ROR2: variants seen among roughly 807,000 people sequenced by gnomAD.
ROR2 encodes ROR family WNT receptor 2, also known as tyrosine-protein kinase transmembrane receptor ROR2.
In ROR2, 33 loss-of-function variants were observed where a neutral mutation model predicts 74.9. The observed-to-expected ratio is 0.44, with a 90% CI of 0.33 to 0.59. ROR2 has a LOEUF of 0.59. Among genes scored for constraint, ROR2 ranks in the 20% least tolerant of loss-of-function variants. ROR2 has a pLI of 0.02. For missense variants in ROR2, 1,216 were observed against 1,313.8 expected, an observed-to-expected ratio of 0.93 and a Z score of 1.15; for synonymous variants, 586 against 558.7, an observed-to-expected ratio of 1.05 and a Z score of -0.69.
intron 1 of ROR2, among the ~76,000 whole-genome samples, chr9:91,850,080 C>G (rs1043003853): frequency 6.6e-6 from 1 of 152,164 alleles, no homozygotes; most frequent in African/African-American, 2.4e-5. Flanking sequence ...GTCTGGAAGG[C>G]AAATCCCAAG....
intron 2 of ROR2, among the ~76,000 whole-genome samples, chr9:91,770,836 T>C (rs1450768061): frequency 1.3e-5 from 2 of 152,178 alleles, no homozygotes; most frequent in Non-Finnish European, 1.5e-5. Flanking sequence ...CAAACTATCA[T>C]ACGTACACAC....
At chr9:91,783,494 C>T (rs1225841452) in intron 1 of ROR2, among the ~76,000 whole-genome samples, 2 of 152,104 alleles carry the variant, frequency 1.3e-5, no homozygotes, top group Admixed American at 6.5e-5. Context: ...GTGCCCCAAA[C>T]CCCTCCCTTC....
chr9:91,867,853 A>G (rs1288817171), intron 1 of ROR2, among the ~76,000 whole-genome samples: 1 of 152,166 alleles, frequency 6.6e-6, no homozygotes, highest in Non-Finnish European at 1.5e-5. Context: ...GCAAACACGG[A>G]AGGCTGTTCG....
At chr9:91,775,897 A>T (rs925652699) in intron 1 of ROR2, 79 bp from the exon 2 acceptor site, 1 of 1,213,212 alleles carries the variant, frequency 8.2e-7, no homozygotes, top group Admixed American at 1.9e-5. Context: ...TGCAAAGACA[A>T]CAGCATTCTA....
chr9:91,784,467 C>T (rs184032725), intron 1 of ROR2, among the ~76,000 whole-genome samples: 68 of 152,254 alleles, frequency 4.5e-4, no homozygotes, highest in African/African-American at 1.5e-3. Context: ...TACAAAGATG[C>T]GTGCTGTGCA....
chr9:91,725,849 G>C (rs1229564799), intron 8 of ROR2, among the ~76,000 whole-genome samples: 1 of 152,164 alleles, frequency 6.6e-6, no homozygotes, highest in Admixed American at 6.5e-5. Flanking sequence ...TCGCTGGCCA[G>C]CCCCTGCCCA....
intron 1 of ROR2, among the ~76,000 whole-genome samples, chr9:91,876,525 G>C (rs75705415): frequency 6.6e-6 from 1 of 152,100 alleles, no homozygotes; most frequent in Non-Finnish European, 1.5e-5. Flanking sequence ...GCTATTGCTT[G>C]AACCAAGAAT....
intron 1 of ROR2, among the ~76,000 whole-genome samples, chr9:91,869,710 A>G (rs57956212): frequency 0.045 from 6,811 of 152,258 alleles, 413 homozygotes; most frequent in African/African-American, 0.13. Context: ...AGGCAGCTGC[A>G]ATTGCTCCAT....
At position 91,775,815 on chromosome 9, in the gene ROR2, T is replaced by C; in HGVS notation, c.101A>G (p.Glu34Gly). The C allele has an allele frequency of 6.2e-7, 1 of 1,614,006 alleles. No individual in the cohort carries two copies. Among genetic ancestry groups the C allele is most frequent in the Non-Finnish European group, 8.5e-7 (1 of 1,179,958 alleles). Residue 34 changes from glutamate (E) to glycine (G), a missense_variant, in exon 2 of 9, where the codon GAA (glutamate) becomes GGA (glycine). Glu to Gly is a moderately conservative substitution (Grantham distance 98). Coordinates refer to ENST00000375708, the MANE Select transcript of ROR2 (RefSeq NM_004560.4). ...LLLSVSRTSG[E>G]VEVLDPNDPL... ...GTCGTTCGGATCCAGAACCTCCACT[T>C]CACCTGGGAAAAAGAAACCAGGATA... is the stretch of plus-strand genomic sequence containing the variant.
chr9:91,770,444 C>T (rs550057539), intron 2 of ROR2, among the ~76,000 whole-genome samples: 1 of 152,292 alleles, frequency 6.6e-6, no homozygotes, highest in African/African-American at 2.4e-5. Flanking sequence ...GGTCTGGGCA[C>T]CTGGAGCACA....
chr9:91,756,669 G>C (rs189758568), intron 3 of ROR2, among the ~76,000 whole-genome samples: 1 of 151,166 alleles, frequency 6.6e-6, no homozygotes. Flanking sequence ...TCAGCTCCTC[G>C]TGTGTGCCTG....
intron 1 of ROR2, among the ~76,000 whole-genome samples, chr9:91,801,946 G>A (rs1827394308): frequency 6.6e-6 from 1 of 152,246 alleles, no homozygotes; most frequent in African/African-American, 2.4e-5. Flanking sequence ...CTGGGCAGAT[G>A]GGGCCATGCC....
At chr9:91,732,423 C>A (rs1193958146) in intron 6 of ROR2, among the ~76,000 whole-genome samples, 1 of 152,164 alleles carries the variant, frequency 6.6e-6, no homozygotes, top group Non-Finnish European at 1.5e-5. Flanking sequence ...TGTGCAGACC[C>A]CAAACAGGCC....
At chr9:91,796,377 G>A (rs774011089) in intron 1 of ROR2, among the ~76,000 whole-genome samples, 1 of 149,876 alleles carries the variant, frequency 6.7e-6, no homozygotes, top group African/African-American at 2.5e-5. Context: ...AGGCTGCAGT[G>A]AGCCGAGATG....
At chr9:91,823,630 G>A (rs1351454982) in intron 1 of ROR2, among the ~76,000 whole-genome samples, 3 of 152,178 alleles carry the variant, frequency 2.0e-5, no homozygotes. Flanking sequence ...GAGCAGAGAG[G>A]AAGTGGGGGC....
intron 1 of ROR2, among the ~76,000 whole-genome samples, chr9:91,781,083 G>A (rs4744097): frequency 0.33 from 49,997 of 152,086 alleles, 8,379 homozygotes; most frequent in Middle Eastern, 0.42. Flanking sequence ...CAGTCTTCAG[G>A]ATGTTCAGAC....
At chr9:91,774,183 G>A (rs1423350075) in intron 2 of ROR2, among the ~76,000 whole-genome samples, 4 of 152,208 alleles carry the variant, frequency 2.6e-5, no homozygotes, top group Non-Finnish European at 5.9e-5. Context: ...CAAGCTTTCA[G>A]AGCATGCGTT....
At chr9:91,769,993 G>A (rs150543739) in intron 2 of ROR2, among the ~76,000 whole-genome samples, 394 of 152,310 alleles carry the variant, frequency 2.6e-3, no homozygotes, top group Non-Finnish European at 4.2e-3. Context: ...GTGCCCATCC[G>A]AGTACCGCCT....
intron 1 of ROR2, among the ~76,000 whole-genome samples, chr9:91,900,244 G>A (rs1004213600): frequency 5.9e-5 from 9 of 152,210 alleles, no homozygotes; most frequent in Non-Finnish European, 8.8e-5. Context: ...CAGCAGCCTC[G>A]CATCCAGAGG....
Sources: gnomAD v4.1 joint callset for allele counts (sites outside exome capture counted in the v4.1 genomes callset) on GRCh38, gnomAD v4.1.1 for gene constraint, MANE v1.5 for transcripts, NCBI Gene and HGNC (gene_info 2026-07-23, HGNC 2026-07-21) for gene names.